NKAIN2: variants seen among roughly 807,000 people sequenced by gnomAD.
NKAIN2 encodes sodium/potassium-transporting ATPase subunit beta-1-interacting protein 2.
Under a neutral mutation model 32.6 loss-of-function variants are expected in NKAIN2, and 14 were observed. That is an observed-to-expected ratio of 0.43 (90% CI 0.28 to 0.67). The LOEUF (loss-of-function observed/expected upper bound fraction) is 0.67. NKAIN2 is among the 30% of genes least tolerant of loss of function. The pLI is 0.17. For missense variants in NKAIN2, 198 were observed against 258.3 expected (o/e 0.77, Z 1.60); for synonymous variants, 80 against 87.2 (o/e 0.92, Z 0.46).
chr6:124,220,096 G>C (rs1305426029), intron 1 of NKAIN2, among the ~76,000 whole-genome samples: 6 of 152,132 alleles, frequency 3.9e-5, no homozygotes, highest in Admixed American at 1.3e-4. Context: ...TGTTGAGGGA[G>C]AGACCTGGAG....
At chr6:124,143,520 G>A (rs186300810) in intron 1 of NKAIN2, among the ~76,000 whole-genome samples, 20 of 152,134 alleles carry the variant, frequency 1.3e-4, no homozygotes, top group African/African-American at 4.8e-4. Context: ...TGATTTCTAA[G>A]CAAACAAGGA....
intron 5 of NKAIN2, among the ~76,000 whole-genome samples, chr6:124,791,885 C>T (rs1480348488): frequency 6.6e-6 from 1 of 152,074 alleles, no homozygotes; most frequent in Non-Finnish European, 1.5e-5. Flanking sequence ...ATCAAATGTC[C>T]ATCTGTCCTT....
intron 1 of NKAIN2, among the ~76,000 whole-genome samples, chr6:124,183,392 C>A (rs1292181053): frequency 6.6e-6 from 1 of 152,014 alleles, no homozygotes; most frequent in African/African-American, 2.4e-5. Context: ...GATGAACAAG[C>A]TTCAAAATCA....
chr6:124,724,620 G>A (rs1273738162), intron 4 of NKAIN2, among the ~76,000 whole-genome samples: 2 of 152,168 alleles, frequency 1.3e-5, no homozygotes, highest in African/African-American at 4.8e-5. Flanking sequence ...AGGATAGAAT[G>A]AGTTATAGTG....
chr6:124,488,513 C>T (rs1361295909), intron 3 of NKAIN2, among the ~76,000 whole-genome samples: 1 of 152,008 alleles, frequency 6.6e-6, no homozygotes, highest in Admixed American at 6.6e-5. Context: ...TTTCCAGGTA[C>T]ATCTATCACA....
At chr6:124,028,765 A>C (rs1781243787) in intron 1 of NKAIN2, among the ~76,000 whole-genome samples, 1 of 145,862 alleles carries the variant, frequency 6.9e-6, no homozygotes, top group African/African-American at 2.6e-5. Flanking sequence ...ACAAGTATAT[A>C]AGTGTATATA....
chr6:124,692,862 T>A (rs1774325085), intron 4 of NKAIN2, among the ~76,000 whole-genome samples: 1 of 152,122 alleles, frequency 6.6e-6, no homozygotes, highest in South Asian at 2.1e-4. Context: ...AGTTATGTGA[T>A]GCCAGCTCCA....
intron 1 of NKAIN2, among the ~76,000 whole-genome samples, chr6:123,912,090 C>T (rs1775244091): frequency 6.6e-6 from 1 of 151,544 alleles, no homozygotes; most frequent in Non-Finnish European, 1.5e-5. Flanking sequence ...AGATACTTGT[C>T]TTGCTTAGTA....
intron 3 of NKAIN2, among the ~76,000 whole-genome samples, chr6:124,530,403 G>A (rs111918769): frequency 7.9e-5 from 12 of 152,130 alleles, no homozygotes; most frequent in Non-Finnish European, 1.2e-4. Flanking sequence ...AGGTTGAGAC[G>A]GAGGAGGAAA....
chr6:124,164,607 A>G (rs951614941), intron 1 of NKAIN2, among the ~76,000 whole-genome samples: 1 of 152,076 alleles, frequency 6.6e-6, no homozygotes, highest in African/African-American at 2.4e-5. Flanking sequence ...GTTATTAGTA[A>G]TGTTGATTAC....
chr6:124,171,587 T>G (rs1195544775), intron 1 of NKAIN2, among the ~76,000 whole-genome samples: 1 of 140,386 alleles, frequency 7.1e-6, no homozygotes, highest in Non-Finnish European at 1.5e-5. Flanking sequence ...AGTCTTGCTC[T>G]GTTGCCCAGG....
chr6:124,040,512 A>T (rs936039761), intron 1 of NKAIN2, among the ~76,000 whole-genome samples: 10 of 151,980 alleles, frequency 6.6e-5, no homozygotes, highest in Non-Finnish European at 1.0e-4. Flanking sequence ...CTCAGATATG[A>T]CTATTTTGAA....
At chr6:124,558,371 G>A (rs1374120831) in intron 3 of NKAIN2, among the ~76,000 whole-genome samples, 1 of 152,062 alleles carries the variant, frequency 6.6e-6, no homozygotes, top group South Asian at 2.1e-4. Context: ...TAGATTCTAG[G>A]TTAGTCAGTC....
chr6:124,617,743 A>G (rs1782960996), intron 3 of NKAIN2, among the ~76,000 whole-genome samples: 1 of 152,232 alleles, frequency 6.6e-6, no homozygotes, highest in African/African-American at 2.4e-5. Context: ...TGGTCAGACA[A>G]ATAGTTACTA....
At chr6:124,468,182 A>G (rs1273750109) in intron 3 of NKAIN2, among the ~76,000 whole-genome samples, 1 of 152,144 alleles carries the variant, frequency 6.6e-6, no homozygotes, top group Non-Finnish European at 1.5e-5. Context: ...TAAAGTGAGC[A>G]ACCTATTTAA....
intron 3 of NKAIN2, among the ~76,000 whole-genome samples, chr6:124,648,040 C>T (rs1385820279): frequency 6.6e-6 from 1 of 152,188 alleles, no homozygotes; most frequent in African/African-American, 2.4e-5. Context: ...ATTGAACTGA[C>T]ATCATCTCCA....
At chr6:123,809,873 T>C (rs916887867) in intron 1 of NKAIN2, among the ~76,000 whole-genome samples, 1 of 152,224 alleles carries the variant, frequency 6.6e-6, no homozygotes, top group Admixed American at 6.5e-5. Context: ...TTTCAGCTAG[T>C]TGTGGATCAC....
chr6:124,537,301 C>G (rs1779752284), intron 3 of NKAIN2, among the ~76,000 whole-genome samples: 1 of 152,110 alleles, frequency 6.6e-6, no homozygotes, highest in African/African-American at 2.4e-5. Context: ...ATCTGATGAC[C>G]CTGAACTTAG....
At chr6:124,675,402 A>G (rs1281571400) in intron 4 of NKAIN2, among the ~76,000 whole-genome samples, 2 of 152,088 alleles carry the variant, frequency 1.3e-5, no homozygotes, top group African/African-American at 2.4e-5. Context: ...AATGTTGGCC[A>G]TATAAAATGA....
Sources: gnomAD v4.1 joint callset for allele counts (sites outside exome capture counted in the v4.1 genomes callset) on GRCh38, gnomAD v4.1.1 for gene constraint, MANE v1.5 for transcripts, NCBI Gene and HGNC (gene_info 2026-07-23, HGNC 2026-07-21) for gene names.